Variants in VPS54 observed in about 807,000 individuals in gnomAD.
VPS54 encodes the protein vacuolar protein sorting-associated protein 54.
Under a neutral mutation model 121.5 loss-of-function variants are expected in VPS54, and 45 were observed. The ratio of observed to expected loss-of-function variants is 0.37; its 90% CI spans 0.29 to 0.47. The LOEUF (loss-of-function observed/expected upper bound fraction) is 0.47. VPS54 is among the 20% of genes least tolerant of loss of function. VPS54 has a pLI of 0.99. For synonymous variants in VPS54, 371 were observed against 385.8 expected (o/e 0.96, Z 0.45); for missense variants, 1,090 against 1,131.4 (o/e 0.96, Z 0.52).
At chr2:63,920,334 A>G in intron 14 of VPS54, 112 bp downstream of exon 14, 1 of 1,032,706 alleles carries the variant, frequency 9.7e-7, no homozygotes, top group Non-Finnish European at 1.3e-6. Flanking sequence ...TAATTAAAAA[A>G]ACCTTTATCA....
chr2:63,897,653 C>T (rs1672502451), intron 21 of VPS54, 63 bp from the exon 22 acceptor site: 1 of 987,636 alleles, frequency 1.0e-6, no homozygotes, highest in African/African-American at 1.7e-5. Flanking sequence ...TCTGAGTTAT[C>T]AATATTATTT....
In VPS54 at chr2:63,897,574, A is replaced by C. The variant is rs1294136454; in HGVS notation, c.2750T>G (p.Ile917Ser). ...CAAGTGGAGTTTATAACTTGCATTA[A>C]TTCTTAAAAATAACATCTGAAAAAG... Reference protein sequence around the residue: ...EEQTQMLFLRINASYKLHLKK... With the variant: ...EEQTQMLFLRSNASYKLHLKK... The change falls in exon 22 of 23, where the codon ATT becomes AGT. Residue 917 changes from isoleucine to serine, a missense_variant. Physicochemically the swap from Ile to Ser is moderately radical, Grantham distance 142 (BLOSUM62 -2). This residue lies in a region of VPS54 where 289 missense variants were observed against 374.4 expected (regional missense o/e 0.77). Coordinates refer to ENST00000272322, the MANE Select transcript of VPS54 (RefSeq NM_016516.3). The C allele has an allele frequency of 1.3e-6, 2 of 1,562,862 alleles. No homozygotes were observed.
chr2:63,955,589 C>T (rs1313385787), intron 7 of VPS54, among the ~76,000 whole-genome samples: 1 of 151,888 alleles, frequency 6.6e-6, no homozygotes. Context: ...TGTATCCTTA[C>T]AGTAATTTTA....
At chr2:63,925,888 G>A (rs758847460) in intron 12 of VPS54, among the ~76,000 whole-genome samples, 2 of 152,194 alleles carry the variant, frequency 1.3e-5, no homozygotes, top group African/African-American at 2.4e-5. Context: ...TGAGGGGGGT[G>A]ACAATTACAC....
At chr2:63,930,797 A>G (rs1335169309) in intron 12 of VPS54, among the ~76,000 whole-genome samples, 1 of 152,242 alleles carries the variant, frequency 6.6e-6, no homozygotes, top group Admixed American at 6.5e-5. Context: ...CCTTAAGCTG[A>G]TAAGCAACTT....
chr2:63,910,771 G>A (rs1673115762), intron 20 of VPS54, among the ~76,000 whole-genome samples: 2 of 152,126 alleles, frequency 1.3e-5, no homozygotes, highest in African/African-American at 4.8e-5. Flanking sequence ...ATAGGAAAAA[G>A]TCTAGTCACT....
At position 63,914,217 on chromosome 2, in the gene VPS54, T is replaced by C; in HGVS notation, c.2299A>G (p.Thr767Ala). Residue 767 changes from threonine to alanine, a missense_variant, in exon 17 of 23, where the codon ACT becomes GCT. By Grantham distance (58) the Thr-to-Ala change is moderately conservative (BLOSUM62 0). This residue lies in a region of VPS54 where 289 missense variants were observed against 374.4 expected (regional missense o/e 0.77). Coordinates refer to ENST00000272322, the MANE Select transcript of VPS54 (RefSeq NM_016516.3). Reference protein sequence around the residue: ...QCVDNIPSVTTDMLTRLSDLL... With the variant: ...QCVDNIPSVTADMLTRLSDLL... ...TCTGACAGACGAGTAAGCATGTCAG[T>C]AGTAACAGATGGGATGTTATCCACA... 4 of 1,613,616 alleles carry C rather than the reference T, an allele frequency of 2.5e-6. No individual in the cohort carries two copies. The highest frequency in any genetic ancestry group is 3.4e-6 in the Non-Finnish European group (4 of 1,179,732).
At chr2:63,986,063 AC>A (rs1559040767) in intron 1 of VPS54, among the ~76,000 whole-genome samples, 1 of 152,186 alleles carries the variant, frequency 6.6e-6, no homozygotes, top group Admixed American at 6.5e-5. Context: ...ACAGCAAAAA[AC>A]ATTTTTGAAA....
intron 11 of VPS54, among the ~76,000 whole-genome samples, chr2:63,936,275 G>A (rs1184517604): frequency 6.6e-6 from 1 of 152,090 alleles, no homozygotes; most frequent in Non-Finnish European, 1.5e-5. Flanking sequence ...TTAAAGATTT[G>A]CTGATTATTT....
At chr2:63,916,985 C>T (rs367562543) in intron 15 of VPS54, 22 bp from the exon 16 acceptor site, 19 of 1,612,390 alleles carry the variant, frequency 1.2e-5, no homozygotes, top group African/African-American at 1.3e-5. Context: ...AGCAAATAAA[C>T]GAGAGACAAG....
chr2:63,992,986 T>A (rs778262679), intron 1 of VPS54, among the ~76,000 whole-genome samples: 6 of 152,210 alleles, frequency 3.9e-5, no homozygotes, highest in Admixed American at 6.5e-5. Context: ...TTTCACCAGT[T>A]CGAGCCCAGT....
Position 63,962,071 on chromosome 2 carries a change from T to A in VPS54, c.997A>T (p.Ile333Phe), listed in dbSNP as rs778798419. ...TAATGAACATACCGGAAACTGTGAA[T>A]GCCCTGAAGTTCCTGCTGTAGAACC... ...QEVLQQELQG[I>F]HSFRHLGSQL... Residue 333 changes from isoleucine (I) to phenylalanine (F), a missense_variant, in exon 7 of 23, where the codon ATT (isoleucine) becomes TTT (phenylalanine). This residue lies in a region of VPS54 where 801 missense variants were observed against 757.0 expected (regional missense o/e 1.06). Transcript: ENST00000272322. The A allele has an allele frequency of 6.4e-7, 1 of 1,565,758 alleles. No individual in the cohort carries two copies. Among genetic ancestry groups the A allele is most frequent in the South Asian group, 1.2e-5 (1 of 85,096 alleles).
intron 8 of VPS54, among the ~76,000 whole-genome samples, chr2:63,948,542 G>A (rs1410625782): frequency 1.3e-5 from 2 of 150,452 alleles, no homozygotes; most frequent in East Asian, 2.0e-4. Context: ...GACTACAGGT[G>A]TGCATGCACC....
At chr2:63,975,440 G>A (rs796294173) in intron 3 of VPS54, 3 of 160,274 alleles carry the variant, frequency 1.9e-5, no homozygotes, top group South Asian at 1.8e-4. Flanking sequence ...TTTAGGAGTC[G>A]AGTCATGCAA....
chr2:63,934,838 C>G (rs1017536424), intron 11 of VPS54, among the ~76,000 whole-genome samples: 1 of 152,082 alleles, frequency 6.6e-6, no homozygotes, highest in African/African-American at 2.4e-5. Context: ...GAAAGCTAGG[C>G]AAATGAAGAG....
At chr2:64,010,872 A>G (rs1187159871) in intron 1 of VPS54, among the ~76,000 whole-genome samples, 2 of 152,198 alleles carry the variant, frequency 1.3e-5, no homozygotes, top group Admixed American at 6.5e-5. Context: ...GAAGTATGGA[A>G]GAGGCTTAAG....
At chr2:63,908,600 C>T (rs929967542) in intron 20 of VPS54, among the ~76,000 whole-genome samples, 7 of 152,140 alleles carry the variant, frequency 4.6e-5, no homozygotes, top group East Asian at 3.8e-4. Context: ...GTAGTCACAG[C>T]GCTCTATTAT....
intron 14 of VPS54, among the ~76,000 whole-genome samples, 188 bp downstream of exon 14, chr2:63,920,258 G>T (rs1296091452): frequency 6.6e-6 from 1 of 152,064 alleles, no homozygotes; most frequent in Non-Finnish European, 1.5e-5. Context: ...TACTTTAATA[G>T]AAGTAAACAT....
intron 3 of VPS54, among the ~76,000 whole-genome samples, chr2:63,979,084 T>C (rs1676680977): frequency 6.6e-6 from 1 of 152,206 alleles, no homozygotes; most frequent in South Asian, 2.1e-4. Context: ...TTTCTTATTC[T>C]TGTTATTGGT....
Sources: gnomAD v4.1 joint callset for allele counts (sites outside exome capture counted in the v4.1 genomes callset) on GRCh38, gnomAD v4.1.1 for gene constraint, gnomAD v4.1.1 regional missense constraint, MANE v1.5 for transcripts, NCBI Gene and HGNC (gene_info 2026-07-23, HGNC 2026-07-21) for gene names.